Variants in ZC3H11A observed in about 807,000 individuals in gnomAD.
ZC3H11A encodes zinc finger CCCH-type containing 11A.
A neutral mutation model predicts 90.8 loss-of-function variants in ZC3H11A; 22 were observed. The ratio of observed to expected loss-of-function variants is 0.24; its 90% CI spans 0.17 to 0.35. The LOEUF (loss-of-function observed/expected upper bound fraction) is 0.35, where lower values mean the gene tolerates loss of function less well. Among genes scored for constraint, ZC3H11A ranks in the 10% least tolerant of loss-of-function variants. The pLI, the probability that ZC3H11A is intolerant of heterozygous loss-of-function variation, is 1.00. For synonymous variants in ZC3H11A, 294 were observed against 339.8 expected, an observed-to-expected ratio of 0.87 and a Z score of 1.48; for missense variants, 701 against 964.9, an observed-to-expected ratio of 0.73 and a Z score of 3.62.
At chr1:203,830,244 A>G (rs370992105) in intron 8 of ZC3H11A, 41 bp downstream of exon 8, 2 of 1,480,922 alleles carry the variant, frequency 1.4e-6, no homozygotes, top group African/African-American at 2.8e-5. Flanking sequence ...GTATGTTGCT[A>G]GGGAAGAATA....
At chr1:203,798,192 G>A in intron 1 of ZC3H11A, 2 of 1,536,150 alleles carry the variant, frequency 1.3e-6, no homozygotes, top group Non-Finnish European at 1.7e-6. Flanking sequence ...TGATCCATTA[G>A]ATGATAATAG....
rs1329002763 is a variant in ZC3H11A at position 203,852,606 on chromosome 1, C to T, written c.*207C>T. On this transcript the variant is annotated 3_prime_UTR_variant, in exon 18 of 18. Coordinates refer to ENST00000367210, the MANE Select transcript of ZC3H11A (RefSeq NM_001376342.1). ...TTATAACCATTTTGTCCATTTGATG[C>T]CATTGTTTATCATCTTTTGAGAAAA... 10 of 588,942 alleles carry T rather than the reference C, an allele frequency of 1.7e-5. No homozygotes were observed. Among genetic ancestry groups the T allele is most frequent in the Non-Finnish European group, 2.6e-5 (9 of 340,156 alleles). 36.5% of individuals were successfully genotyped at this position (588,942 alleles called of 1,614,324 possible).
intron 12 of ZC3H11A, among the ~76,000 whole-genome samples, chr1:203,844,134 G>C (rs1687237736): frequency 6.6e-6 from 1 of 152,070 alleles, no homozygotes; most frequent in African/African-American, 2.4e-5. Flanking sequence ...TGGGATTACA[G>C]GCGTGAGCCA....
At chr1:203,841,041 A>C (rs559745133) in intron 12 of ZC3H11A, among the ~76,000 whole-genome samples, 2 of 148,982 alleles carry the variant, frequency 1.3e-5, no homozygotes, top group Non-Finnish European at 3.0e-5. Flanking sequence ...TCAAATGCTG[A>C]ACAACGATAT....
intron 1 of ZC3H11A, chr1:203,797,512 A>G: frequency 1.3e-6 from 2 of 1,483,144 alleles, no homozygotes; most frequent in Non-Finnish European, 8.9e-7. Flanking sequence ...AATTGTGGAG[A>G]CATAAAGAGA....
At chr1:203,805,845 A>G (rs1672141174) in intron 2 of ZC3H11A, 4 of 908,518 alleles carry the variant, frequency 4.4e-6, no homozygotes, top group Admixed American at 1.8e-5. Context: ...CTTGGATTTC[A>G]TTTGCATCTT....
At chr1:203,831,537 G>C in intron 8 of ZC3H11A, 124 bp from the exon 9 acceptor site, 1 of 723,868 alleles carries the variant, frequency 1.4e-6, no homozygotes, top group South Asian at 1.8e-5. Context: ...CAGAAAGGCT[G>C]ATTGGCTTAT....
intron 14 of ZC3H11A, among the ~76,000 whole-genome samples, chr1:203,849,271 G>A (rs928325732): frequency 6.6e-6 from 1 of 152,162 alleles, no homozygotes; most frequent in African/African-American, 2.4e-5. Context: ...GAACTCTACA[G>A]TGTATCATTT....
At chr1:203,846,832 A>C (rs866429439) in intron 12 of ZC3H11A, among the ~76,000 whole-genome samples, 32 of 152,218 alleles carry the variant, frequency 2.1e-4, no homozygotes, top group African/African-American at 7.5e-4. Context: ...ACTTGCAGTA[A>C]TCTAAAATTG....
At chr1:203,819,377 A>G (rs2102824589) in intron 4 of ZC3H11A, among the ~76,000 whole-genome samples, 1 of 150,298 alleles carries the variant, frequency 6.7e-6, no homozygotes, top group Non-Finnish European at 1.5e-5. Flanking sequence ...ACCTGCCACC[A>G]TGGCCTGCTA....
intron 4 of ZC3H11A, among the ~76,000 whole-genome samples, chr1:203,821,221 T>A (rs968459364): frequency 6.6e-6 from 1 of 152,130 alleles, no homozygotes; most frequent in Admixed American, 6.6e-5. Context: ...CATGTAAGAC[T>A]TGTTTGTGTC....
chr1:203,836,455 A>G (rs1434264238), intron 10 of ZC3H11A, among the ~76,000 whole-genome samples: 4 of 152,194 alleles, frequency 2.6e-5, no homozygotes, highest in African/African-American at 9.7e-5. Context: ...TGAACAGTGT[A>G]ATAAAACTAG....
intron 1 of ZC3H11A, chr1:203,796,447 G>C (rs777109089): frequency 2.5e-5 from 10 of 398,930 alleles, no homozygotes; most frequent in Non-Finnish European, 4.0e-5. Context: ...CGTTCTCCTT[G>C]TAGGACTGGT....
chr1:203,824,295 GA>G (rs1310005514), intron 4 of ZC3H11A, among the ~76,000 whole-genome samples: 15 of 151,360 alleles, frequency 9.9e-5, no homozygotes, highest in Admixed American at 7.9e-4. Context: ...AAAAAAGAGG[GA>G]AAATAATTTA....
intron 2 of ZC3H11A, among the ~76,000 whole-genome samples, chr1:203,804,494 A>G (rs1336735015): frequency 2.0e-5 from 3 of 151,716 alleles, no homozygotes; most frequent in Non-Finnish European, 4.4e-5. Flanking sequence ...CTTCCTGTAT[A>G]TCTTTTTACT....
chr1:203,851,326 ATGTTTTTT>A (rs1026884444), intron 17 of ZC3H11A, among the ~76,000 whole-genome samples: 47 of 152,180 alleles, frequency 3.1e-4, no homozygotes, highest in African/African-American at 1.0e-3. Flanking sequence ...TACCTAAAAG[ATGTTTTTT>A]TGTTTTTTTG....
chr1:203,828,448 G>A, intron 5 of ZC3H11A, 26 bp downstream of exon 5: 1 of 1,582,628 alleles, frequency 6.3e-7, no homozygotes, highest in Non-Finnish European at 8.6e-7. Context: ...AATTTTAAAA[G>A]AATATCAAAT....
Position 203,798,519 on chromosome 1 carries a change from G to C in ZC3H11A, c.-1588+2725G>C, listed in dbSNP as rs370618612. ...CAGTGGTGCTGTTGCAAATGGATTA[G>C]ATGAAGCTGAGACTGAGAGAAGTGA... On this transcript the variant is annotated intron_variant, in intron 1 of 17. Coordinates refer to ENST00000367210, the MANE Select transcript of ZC3H11A (RefSeq NM_001376342.1). The C allele has an allele frequency of 1.7e-5, 26 of 1,536,136 alleles. No individual in the cohort carries two copies. In the East Asian group the frequency reaches 2.2e-4, roughly 13 times the overall value.
intron 5 of ZC3H11A, chr1:203,829,198 T>C: frequency 1.9e-6 from 1 of 539,058 alleles, no homozygotes; most frequent in South Asian, 2.2e-5. Context: ...ACAGGTACTA[T>C]GCTTCTTCTA....
Sources: gnomAD v4.1 joint callset for allele counts (sites outside exome capture counted in the v4.1 genomes callset) on GRCh38, gnomAD v4.1.1 for gene constraint, MANE v1.5 for transcripts, NCBI Gene and HGNC (gene_info 2026-07-23, HGNC 2026-07-21) for gene names.